Variants in PAX3 observed in about 807,000 individuals in gnomAD.
PAX3 encodes the protein paired box 3.
Under a neutral mutation model 51.6 loss-of-function variants are expected in PAX3, and 14 were observed. That is an observed-to-expected ratio of 0.27 (90% CI 0.18 to 0.42). The LOEUF is 0.42. PAX3 is among the 10% of genes least tolerant of loss of function. The pLI is 1.00. For missense variants in PAX3, 540 were observed against 642.8 expected, an observed-to-expected ratio of 0.84 and a Z score of 1.73; for synonymous variants, 280 against 253.4, an observed-to-expected ratio of 1.11 and a Z score of -1.00.
chr2:222,290,368 C>T (rs909298120), intron 4 of PAX3, among the ~76,000 whole-genome samples: 1 of 152,182 alleles, frequency 6.6e-6, no homozygotes, highest in Non-Finnish European at 1.5e-5. Context: ...TAAGAAAGCA[C>T]TCTTTTTTGT....
chr2:222,279,871 G>A (rs926860010), intron 4 of PAX3, among the ~76,000 whole-genome samples: 2 of 152,090 alleles, frequency 1.3e-5, no homozygotes, highest in Non-Finnish European at 2.9e-5. Context: ...TAAAGAAATG[G>A]TTGGTCTCCT....
At position 222,298,912 on chromosome 2, in the gene PAX3, G is replaced by T. The variant is rs1206567627; in HGVS notation, c.-297C>A. On this transcript the variant is annotated 5_prime_UTR_variant, in exon 1 of 9. Transcript: ENST00000392070. ...CCAGCGACTGGGGTCCCTGAAAAGG[G>T]GGCTCAGAGAGCCACGGCGAGCCGG... The T allele has an allele frequency of 9.6e-6, 5 of 519,542 alleles. No individual in the cohort carries two copies. Among genetic ancestry groups the T allele is most frequent in the Non-Finnish European group, 1.7e-5 (5 of 287,336 alleles). 32.2% of individuals were successfully genotyped at this position (519,542 alleles called of 1,614,324 possible).
chr2:222,224,708 T>C (rs535676524), intron 5 of PAX3, among the ~76,000 whole-genome samples: 19 of 152,348 alleles, frequency 1.2e-4, no homozygotes, highest in Non-Finnish European at 2.5e-4. Flanking sequence ...CTTAGATAAC[T>C]CTTTCAATAT....
In PAX3 at chr2:222,201,368, C is replaced by A; in HGVS notation, c.*40G>T. 6.2e-7 allele frequency: 1 copy of A among 1,613,464 alleles called. No homozygotes were observed. Among genetic ancestry groups the A allele is most frequent in the South Asian group, 1.1e-5 (1 of 91,054 alleles). ...TTCTTCATATCTAGGCTGCGAAGACCAGAAACAGGGCCAGTTTTAGCTCCA... is the reference window on the plus strand; with the variant it reads ...TTCTTCATATCTAGGCTGCGAAGACAAGAAACAGGGCCAGTTTTAGCTCCA... On this transcript the variant is annotated 3_prime_UTR_variant, in exon 9 of 9. Coordinates refer to ENST00000392070, the MANE Select transcript of PAX3 (RefSeq NM_181458.4).
chr2:222,258,065 T>C (rs1432461455), intron 4 of PAX3, among the ~76,000 whole-genome samples: 1 of 152,256 alleles, frequency 6.6e-6, no homozygotes, highest in Non-Finnish European at 1.5e-5. Context: ...TTCAAGTGTG[T>C]CTATATTTTA....
intron 4 of PAX3, among the ~76,000 whole-genome samples, chr2:222,280,926 C>T (rs1694625684): frequency 6.6e-6 from 1 of 152,218 alleles, no homozygotes; most frequent in Non-Finnish European, 1.5e-5. Context: ...TCGACTTCTG[C>T]TCTCAGACAA....
chr2:222,220,593 T>C (rs1321083966), intron 6 of PAX3, among the ~76,000 whole-genome samples: 3 of 152,218 alleles, frequency 2.0e-5, no homozygotes, highest in Non-Finnish European at 4.4e-5. Context: ...TCACCCAGAA[T>C]ACTAATGCAG....
chr2:222,237,332 A>G (rs1692837292), intron 4 of PAX3, among the ~76,000 whole-genome samples: 1 of 150,106 alleles, frequency 6.7e-6, no homozygotes, highest in Non-Finnish European at 1.5e-5. Context: ...ACATGCACAC[A>G]CACACACACA....
chr2:222,284,464 G>A (rs533260881), intron 4 of PAX3, among the ~76,000 whole-genome samples: 1 of 152,300 alleles, frequency 6.6e-6, no homozygotes, highest in African/African-American at 2.4e-5. Context: ...TAATTAAGAA[G>A]CATGTTTTGA....
intron 4 of PAX3, among the ~76,000 whole-genome samples, chr2:222,283,527 A>G (rs1160030401): frequency 6.6e-6 from 1 of 152,228 alleles, no homozygotes; most frequent in African/African-American, 2.4e-5. Context: ...TTAATCTGAC[A>G]AAGTATATAT....
intron 4 of PAX3, among the ~76,000 whole-genome samples, chr2:222,241,508 A>G (rs1693015444): frequency 1.3e-5 from 2 of 152,246 alleles, no homozygotes; most frequent in Admixed American, 1.3e-4. Context: ...TGCAGACACA[A>G]TAATAGTTAA....
At chr2:222,289,763 A>G (rs553215101) in intron 4 of PAX3, among the ~76,000 whole-genome samples, 1 of 152,370 alleles carries the variant, frequency 6.6e-6, no homozygotes, top group Non-Finnish European at 1.5e-5. Context: ...GAAAATTGTT[A>G]CCGCGACATT....
intron 4 of PAX3, among the ~76,000 whole-genome samples, chr2:222,270,427 C>T (rs1694209022): frequency 6.6e-6 from 1 of 152,166 alleles, no homozygotes; most frequent in South Asian, 2.1e-4. Context: ...TTCCATCGGT[C>T]TCCAAAAGTG....
intron 8 of PAX3, chr2:222,201,649 C>G: frequency 7.4e-7 from 1 of 1,352,140 alleles, no homozygotes; most frequent in Non-Finnish European, 9.9e-7. Flanking sequence ...TCATTAAGAA[C>G]ATGTGTTTCT....
chr2:222,254,834 G>A (rs1010596195), intron 4 of PAX3, among the ~76,000 whole-genome samples: 1 of 152,082 alleles, frequency 6.6e-6, no homozygotes, highest in Non-Finnish European at 1.5e-5. Context: ...CCAGGCTAGA[G>A]TGCAGTGGCA....
chr2:222,289,111 G>T (rs1477394079), intron 4 of PAX3, among the ~76,000 whole-genome samples: 1 of 152,196 alleles, frequency 6.6e-6, no homozygotes, highest in Non-Finnish European at 1.5e-5. Flanking sequence ...GCCTTTTAGT[G>T]TCTTGTTAGT....
chr2:222,274,276 G>A (rs1694345583), intron 4 of PAX3, among the ~76,000 whole-genome samples: 1 of 152,038 alleles, frequency 6.6e-6, no homozygotes, highest in Non-Finnish European at 1.5e-5. Flanking sequence ...TTTTGTAGAA[G>A]TCATTCTATA....
At chr2:222,293,657 A>AG (rs1695128858) in intron 4 of PAX3, 1 of 1,614,020 alleles carries the variant, frequency 6.2e-7, no homozygotes, top group African/African-American at 1.3e-5. Context: ...CATATTTATA[A>AG]GGCAGCCAAT....
rs756581308 is a variant in PAX3, at chr2:222,290,951, G to C, written c.586+3216C>G. 5.8e-4 allele frequency among the ~76,000 whole-genome samples: 88 copies of C among 152,028 alleles called. 1 individual carries two copies. Among genetic ancestry groups the C allele is most frequent in the Non-Finnish European group, 1.1e-3 (72 of 67,928 alleles). ...GAAAAAAAAAAAGAGGAGAAGAAGG[G>C]GGGAGGCGGGCTGTGTCTAGATGAA... On this transcript the variant is annotated intron_variant, in intron 4 of 8. Transcript: ENST00000392070.
Sources: gnomAD v4.1 joint callset for allele counts (sites outside exome capture counted in the v4.1 genomes callset) on GRCh38, gnomAD v4.1.1 for gene constraint, MANE v1.5 for transcripts, NCBI Gene and HGNC (gene_info 2026-07-23, HGNC 2026-07-21) for gene names.